Variants in PREX1 observed in about 807,000 individuals in gnomAD.
PREX1 encodes the protein phosphatidylinositol-3,4,5-trisphosphate dependent Rac exchange factor 1, also known as phosphatidylinositol 3,4,5-trisphosphate-dependent Rac exchanger 1 protein.
A neutral mutation model predicts 198.3 loss-of-function variants in PREX1; 41 were observed. The observed-to-expected ratio is 0.21, with a 90% CI of 0.16 to 0.27. The LOEUF (loss-of-function observed/expected upper bound fraction) is 0.27, where lower values mean the gene tolerates loss of function less well. Among genes scored for constraint, PREX1 ranks in the 10% least tolerant of loss-of-function variants. The pLI, the probability that PREX1 is intolerant of heterozygous loss-of-function variation, is 1.00. For synonymous variants in PREX1, 843 were observed against 887.2 expected, an observed-to-expected ratio of 0.95 and a Z score of 0.89; for missense variants, 1,620 against 2,200.7, an observed-to-expected ratio of 0.74 and a Z score of 5.28.
the PREX1 span, among the ~76,000 whole-genome samples, chr20:48,882,014 T>G: frequency 6.6e-6 from 1 of 151,930 alleles, no homozygotes; most frequent in African/African-American, 2.4e-5. Flanking sequence ...TACAATATGT[T>G]TTTTATGACG....
the PREX1 span, among the ~76,000 whole-genome samples, chr20:48,842,643 T>C: frequency 6.6e-6 from 1 of 151,018 alleles, no homozygotes; most frequent in African/African-American, 2.4e-5. Flanking sequence ...ATCCTTATCA[T>C]ATTCAATTAT....
intron 1 of PREX1, among the ~76,000 whole-genome samples, chr20:48,821,017 T>C (rs1219651562): frequency 6.6e-6 from 1 of 151,820 alleles, no homozygotes; most frequent in Non-Finnish European, 1.5e-5. Flanking sequence ...CTGGTCAACA[T>C]GGTGAAACCC....
intron 5 of PREX1, among the ~76,000 whole-genome samples, chr20:48,713,972 C>A (rs2089949834): frequency 6.6e-6 from 1 of 151,886 alleles, no homozygotes; most frequent in African/African-American, 2.4e-5. Flanking sequence ...CACAAGGATG[C>A]CAAGGCAATT....
At chr20:48,628,001 GGGGACAGGGGTCGGGGGA>G (rs779986991) in intron 37 of PREX1, 38 bp from the exon 38 acceptor site, 1 of 1,236,708 alleles carries the variant, frequency 8.1e-7, no homozygotes, top group Non-Finnish European at 1.2e-6. Context: ...TTGGCGGTGG[GGGGACAGGGGTCGGGGGA>G]GGACAGCGGG....
chr20:48,681,427 G>T, intron 10 of PREX1, 92 bp from the exon 11 acceptor site: 1 of 1,217,076 alleles, frequency 8.2e-7, no homozygotes, highest in Non-Finnish European at 1.2e-6. Flanking sequence ...ATCCACCCCT[G>T]GGAATGACAG....
At position 48,642,202 on chromosome 20, in the gene PREX1, C is replaced by A. The variant is rs780315223; in HGVS notation, c.3741G>T (p.Glu1247Asp). Residue 1247 changes from glutamate (E) to aspartate (D), a missense_variant, in exon 29 of 40, where the codon GAG (glutamate) becomes GAT (aspartate). Transcript: ENST00000371941. ...KGPVMSRAFE[E>D]TKHFPMNHSL... ...TGTGGTTCATAGGGAAATGCTTGGT[C>A]TCTTCGAAAGCCCGGCTCATGACTG... The A allele has an allele frequency of 6.2e-7, 1 of 1,614,202 alleles. No individual in the cohort carries two copies. The highest frequency in any genetic ancestry group is 8.5e-7 in the Non-Finnish European group (1 of 1,180,040).
intron 1 of PREX1, among the ~76,000 whole-genome samples, chr20:48,819,862 G>A (rs941257441): frequency 9.2e-5 from 14 of 152,198 alleles, no homozygotes; most frequent in African/African-American, 3.1e-4. Flanking sequence ...TGAATAAGTC[G>A]ATTAGTGGAT....
intron 1 of PREX1, among the ~76,000 whole-genome samples, chr20:48,765,813 C>T (rs1054053052): frequency 6.6e-6 from 1 of 152,094 alleles, no homozygotes; most frequent in Non-Finnish European, 1.5e-5. Flanking sequence ...ATCCCTGGGC[C>T]GTGGGCTGTT....
chr20:48,843,669 A>G, the PREX1 span, among the ~76,000 whole-genome samples: 3 of 152,230 alleles, frequency 2.0e-5, no homozygotes, highest in Non-Finnish European at 4.4e-5. Flanking sequence ...CCTTTGCAAT[A>G]TACCTGTCTT....
Position 48,690,989 on chromosome 20 carries a change from T to C in PREX1, c.1144A>G (p.Lys382Glu). The change falls in exon 9 of 40, where the codon AAG (lysine) becomes GAG (glutamate). Residue 382 changes from lysine to glutamate, a missense_variant. Physicochemically the swap from Lys to Glu is moderately conservative, Grantham distance 56. Transcript: ENST00000371941. ...TCGCGGATGATGGCATCCAGCCACT[T>C]CTGCTTCTCCTCTGCCGTCTTGGCC... ...CMAKTAEEKQ[K>E]WLDAIIRERE... 6.2e-7 allele frequency: 1 copy of C among 1,614,238 alleles called. No individual in the cohort carries two copies. Among genetic ancestry groups the C allele is most frequent in the Non-Finnish European group, 8.5e-7 (1 of 1,180,050 alleles).
intron 30 of PREX1, 34 bp from the exon 31 acceptor site, chr20:48,637,786 G>A (rs1414195141): frequency 1.9e-6 from 3 of 1,589,614 alleles, no homozygotes; most frequent in African/African-American, 1.3e-5. Flanking sequence ...AGGGGGACGG[G>A]CTGGGAGGGG....
the PREX1 span, among the ~76,000 whole-genome samples, chr20:48,873,421 G>C: frequency 6.6e-6 from 1 of 151,992 alleles, no homozygotes; most frequent in African/African-American, 2.4e-5. Flanking sequence ...AAAAATTCAA[G>C]CAAGAGGCCG....
At position 48,651,506 on chromosome 20, in the gene PREX1, C is replaced by T. The variant is rs773850369; in HGVS notation, c.2545G>A (p.Val849Met). 12 of 1,614,234 alleles carry T rather than the reference C, an allele frequency of 7.4e-6. No individual in the cohort carries two copies. The highest frequency in any genetic ancestry group is 1.7e-5 in the Admixed American group (1 of 60,032). ...SPMVTLTVDN[V>M]HLEHGVVYEY... ...TACACCACGCCGTGTTCCAGGTGCA[C>T]GTTGTCCACAGTCAGGGTGACCATG... The change falls in exon 22 of 40, where the codon GTG becomes ATG. Residue 849 changes from valine (V) to methionine (M), a missense_variant. Val to Met is a conservative substitution (Grantham distance 21). This residue lies in a region of PREX1 where 514 missense variants were observed against 611.6 expected (regional missense o/e 0.84). Coordinates refer to ENST00000371941, the MANE Select transcript of PREX1 (RefSeq NM_020820.4).
chr20:48,723,154 C>T (rs1601097228), intron 5 of PREX1, among the ~76,000 whole-genome samples: 1 of 152,232 alleles, frequency 6.6e-6, no homozygotes, highest in South Asian at 2.1e-4. Context: ...CTTTCATTCT[C>T]GCCTCTTCCC....
the PREX1 span, among the ~76,000 whole-genome samples, chr20:48,845,951 G>T: frequency 6.6e-6 from 1 of 152,140 alleles, no homozygotes; most frequent in Non-Finnish European, 1.5e-5. Context: ...TGGTCTCACA[G>T]GCTATTGCAT....
intron 5 of PREX1, among the ~76,000 whole-genome samples, chr20:48,715,895 T>C (rs2089960308): frequency 6.6e-6 from 1 of 152,146 alleles, no homozygotes; most frequent in Non-Finnish European, 1.5e-5. Flanking sequence ...CCACTCTATA[T>C]ATAAGGAAAC....
chr20:48,640,869 A>AGATG (rs1279647617), intron 29 of PREX1, among the ~76,000 whole-genome samples: 2 of 80,232 alleles, frequency 2.5e-5, no homozygotes, highest in South Asian at 4.5e-4. Flanking sequence ...GTAGGTGGGT[A>AGATG]GATGGATGGA....
chr20:48,760,203 A>C (rs898506776), intron 1 of PREX1, among the ~76,000 whole-genome samples: 1 of 152,054 alleles, frequency 6.6e-6, no homozygotes, highest in Non-Finnish European at 1.5e-5. Context: ...GGTAGACAGA[A>C]CCCACTGTGC....
intron 3 of PREX1, among the ~76,000 whole-genome samples, chr20:48,743,708 C>A (rs898095505): frequency 1.3e-5 from 2 of 152,184 alleles, no homozygotes; most frequent in Admixed American, 6.5e-5. Flanking sequence ...TGGATTTATC[C>A]CGTTTATGGG....
Sources: allele counts gnomAD v4.1 joint callset (sites outside exome capture counted in the v4.1 genomes callset), GRCh38; gene constraint gnomAD v4.1.1; regional missense constraint gnomAD v4.1.1; transcripts MANE v1.5; gene names NCBI Gene and HGNC (gene_info 2026-07-23, HGNC 2026-07-21).